The following SV2C variants were observed in gnomAD, a reference collection of about 807,000 sequenced individuals.
The protein encoded by SV2C is solute carrier family 22 member B3.
SV2C carries 49 observed loss-of-function variants against 79.7 expected under a neutral mutation model. The ratio of observed to expected loss-of-function variants is 0.61; its 90% CI spans 0.49 to 0.78. SV2C has a LOEUF of 0.78. Among genes scored for constraint, SV2C ranks in the 30% least tolerant of loss-of-function variants. SV2C has a pLI of 0.00. For synonymous variants in SV2C, 334 were observed against 333.2 expected (o/e 1.00, Z -0.03); for missense variants, 833 against 912.9 (o/e 0.91, Z 1.13).
At chr5:76,226,231 A>G (rs906869355) in intron 4 of SV2C, among the ~76,000 whole-genome samples, 8 of 151,914 alleles carry the variant, frequency 5.3e-5, no homozygotes, top group African/African-American at 9.7e-5. Context: ...TGAGTTGGGA[A>G]GAGTCCCAGG....
At chr5:76,200,734 G>A (rs992160454) in intron 3 of SV2C, among the ~76,000 whole-genome samples, 3 of 152,036 alleles carry the variant, frequency 2.0e-5, no homozygotes, top group Non-Finnish European at 4.4e-5. Flanking sequence ...TGACCTCCTG[G>A]GCTCAAGTGA....
chr5:76,301,473 A>T lies in SV2C; in HGVS notation c.1928A>T (p.Tyr643Phe). ...ATGATGATAGGCATGCTGTGTCTGTACAATGGATTGACCATCTCAGCCTGG... is the reference window on the plus strand; with the variant it reads ...ATGATGATAGGCATGCTGTGTCTGTTCAATGGATTGACCATCTCAGCCTGG... ...ESMMIGMLCL[Y>F]NGLTISAWNS... The change falls in exon 12 of 13, where the codon TAC becomes TTC. Residue 643 changes from tyrosine (Y) to phenylalanine (F), a missense_variant. Physicochemically the swap from Tyr to Phe is conservative, Grantham distance 22. Transcript: ENST00000502798. The T allele has an allele frequency of 6.2e-7, 1 of 1,614,100 alleles. No individual in the cohort carries two copies.
chr5:76,138,079 G>A (rs772650180), intron 2 of SV2C, among the ~76,000 whole-genome samples: 5 of 152,240 alleles, frequency 3.3e-5, no homozygotes, highest in African/African-American at 4.8e-5. Flanking sequence ...CTGAAAGAGA[G>A]ATTGAGATGG....
chr5:76,326,276 G>A lies in SV2C; in HGVS notation c.*729G>A, dbSNP rs2112567613. The A allele has an allele frequency of 6.6e-6, 1 of 152,320 alleles. No homozygotes were observed. The highest frequency in any genetic ancestry group is 2.1e-4 in the South Asian group (1 of 4,828). 9.4% of individuals were successfully genotyped at this position (152,320 alleles called of 1,614,324 possible). A position where few individuals can be genotyped will look rare whatever the true frequency, so the allele number is the denominator to read the frequency against. ...AACAGTATCTGTGACTGTGGCATGTGGTTCAGAATGTTTGAAAATCAGAGA... is the reference window on the plus strand; with the variant it reads ...AACAGTATCTGTGACTGTGGCATGTAGTTCAGAATGTTTGAAAATCAGAGA... On this transcript the variant is annotated 3_prime_UTR_variant, in exon 13 of 13. Coordinates refer to ENST00000502798, the MANE Select transcript of SV2C (RefSeq NM_014979.4).
chr5:75,900,817 C>A, the SV2C span, among the ~76,000 whole-genome samples: 1 of 152,172 alleles, frequency 6.6e-6, no homozygotes, highest in Non-Finnish European at 1.5e-5. Flanking sequence ...CTTCCCTTCT[C>A]ACTTCATTTC....
chr5:76,191,014 C>T (rs1372627624), intron 2 of SV2C, among the ~76,000 whole-genome samples: 4 of 152,060 alleles, frequency 2.6e-5, no homozygotes, highest in Non-Finnish European at 4.4e-5. Flanking sequence ...TAAAGAAATA[C>T]GTGAGACGGA....
the SV2C span, among the ~76,000 whole-genome samples, chr5:75,906,754 A>AAGTCC: frequency 6.6e-6 from 1 of 152,266 alleles, no homozygotes; most frequent in Non-Finnish European, 1.5e-5. Context: ...AGATGCAGGC[A>AAGTCC]AGTCCAGTTT....
chr5:75,911,265 C>T, the SV2C span: 1 of 1,467,354 alleles, frequency 6.8e-7, no homozygotes, highest in South Asian at 1.1e-5. Flanking sequence ...TTCTCCCTAG[C>T]TCCCCAGCTC....
the SV2C span, among the ~76,000 whole-genome samples, chr5:76,068,692 A>G: frequency 5.3e-5 from 8 of 152,242 alleles, no homozygotes; most frequent in Non-Finnish European, 7.3e-5. Context: ...AACTTAAAAC[A>G]TTCCAAGAAG....
intron 4 of SV2C, among the ~76,000 whole-genome samples, chr5:76,255,916 A>C (rs1746249646): frequency 6.6e-6 from 1 of 152,160 alleles, no homozygotes; most frequent in Non-Finnish European, 1.5e-5. Context: ...GATTCTTACA[A>C]TCTCCATAGA....
At chr5:75,963,197 T>C in the SV2C span, among the ~76,000 whole-genome samples, 2 of 152,136 alleles carry the variant, frequency 1.3e-5, no homozygotes, top group South Asian at 2.1e-4. Flanking sequence ...CTGATCACCT[T>C]TGAAAAATTG....
At chr5:76,020,508 A>G in the SV2C span, among the ~76,000 whole-genome samples, 7 of 152,122 alleles carry the variant, frequency 4.6e-5, no homozygotes, top group African/African-American at 1.4e-4. Flanking sequence ...CCACATACAG[A>G]TCTAACGGCG....
At position 76,315,593 on chromosome 5, in the gene SV2C, A is replaced by C. The variant is rs565366933; in HGVS notation, c.2001-9771A>C. Among the ~76,000 whole-genome samples the C allele has an allele frequency of 2.6e-5, 4 of 152,308 alleles. No homozygotes were observed. In the South Asian group the frequency reaches 6.2e-4, roughly 24 times the overall value. On this transcript the variant is annotated intron_variant, in intron 12 of 12. Coordinates refer to ENST00000502798, the MANE Select transcript of SV2C (RefSeq NM_014979.4). The stretch of plus-strand genomic sequence containing the variant: ...CTAATTCTGGACAAGGAGATGTGCA[A>C]GATTGGTATAAACCAGCCCTTGGAG...
intron 12 of SV2C, among the ~76,000 whole-genome samples, chr5:76,318,040 C>A (rs945471617): frequency 4.6e-5 from 7 of 152,070 alleles, no homozygotes; most frequent in Admixed American, 2.6e-4. Flanking sequence ...ACAGAAAAAT[C>A]CACAAAGAGG....
At chr5:76,315,821 G>T (rs188954565) in intron 12 of SV2C, among the ~76,000 whole-genome samples, 4 of 152,254 alleles carry the variant, frequency 2.6e-5, no homozygotes, top group African/African-American at 9.6e-5. Flanking sequence ...GAAGCCTTTG[G>T]GTTGGATCCC....
the SV2C span, among the ~76,000 whole-genome samples, chr5:76,051,102 A>T: frequency 6.6e-6 from 1 of 152,234 alleles, no homozygotes; most frequent in East Asian, 1.9e-4. Context: ...TAAAATATTC[A>T]TAGAAAACAT....
At chr5:76,223,689 A>C (rs1005826143) in intron 4 of SV2C, among the ~76,000 whole-genome samples, 1 of 150,690 alleles carries the variant, frequency 6.6e-6, no homozygotes, top group Non-Finnish European at 1.5e-5. Flanking sequence ...CTCCACTGTC[A>C]CCCCCAACCC....
intron 2 of SV2C, among the ~76,000 whole-genome samples, chr5:76,185,228 C>A (rs1345812278): frequency 6.6e-6 from 1 of 152,236 alleles, no homozygotes; most frequent in Non-Finnish European, 1.5e-5. Context: ...TGTGGCTTTG[C>A]AGGGTACAGT....
chr5:76,277,361 G>A (rs1747053553), intron 4 of SV2C, among the ~76,000 whole-genome samples: 1 of 152,178 alleles, frequency 6.6e-6, no homozygotes, highest in African/African-American at 2.4e-5. Context: ...TTCAACTGGT[G>A]AGTGGATAAA....
Sources: allele counts gnomAD v4.1 joint callset (sites outside exome capture counted in the v4.1 genomes callset), GRCh38; gene constraint gnomAD v4.1.1; transcripts MANE v1.5; gene names NCBI Gene and HGNC (gene_info 2026-07-23, HGNC 2026-07-21).